The following PTPRD variants were observed in gnomAD, a reference collection of about 807,000 sequenced individuals.
PTPRD encodes receptor-type tyrosine-protein phosphatase delta.
A neutral mutation model predicts 214.5 loss-of-function variants in PTPRD; 34 were observed. The ratio of observed to expected loss-of-function variants is 0.16; its 90% CI spans 0.12 to 0.21. PTPRD has a LOEUF of 0.21. PTPRD is among the 10% of genes least tolerant of loss of function. PTPRD has a pLI of 1.00. For missense variants in PTPRD, 2,545 were observed against 2,398.7 expected, an observed-to-expected ratio of 1.06 and a Z score of -1.27; for synonymous variants, 1,128 against 845.7, an observed-to-expected ratio of 1.33 and a Z score of -5.79.
At chr9:10,533,080 T>G (rs919701056) in intron 2 of PTPRD, among the ~76,000 whole-genome samples, 5 of 152,078 alleles carry the variant, frequency 3.3e-5, no homozygotes, top group Non-Finnish European at 7.4e-5. Context: ...TACGGGGTTA[T>G]TAAAAACAGT....
chr9:9,020,877 T>A (rs1293585776), intron 10 of PTPRD, among the ~76,000 whole-genome samples: 1 of 152,124 alleles, frequency 6.6e-6, no homozygotes, highest in East Asian at 1.9e-4. Context: ...TACTCGGATG[T>A]ATATATCCTC....
intron 11 of PTPRD, among the ~76,000 whole-genome samples, chr9:8,865,204 G>C (rs755511545): frequency 1.1e-3 from 173 of 152,144 alleles, no homozygotes; most frequent in Non-Finnish European, 1.9e-3. Context: ...TTTTCAGAAA[G>C]AACAAATTTT....
chr9:9,217,297 T>C (rs908076304), intron 9 of PTPRD, among the ~76,000 whole-genome samples: 2 of 152,138 alleles, frequency 1.3e-5, no homozygotes, highest in East Asian at 1.9e-4. Context: ...TGAGTATTTG[T>C]AGGGTACTTA....
chr9:9,464,479 T>C (rs561114036), intron 8 of PTPRD, among the ~76,000 whole-genome samples: 9 of 152,346 alleles, frequency 5.9e-5, no homozygotes, highest in Non-Finnish European at 1.2e-4. Context: ...TTTCATCTCC[T>C]GTGACTATAT....
At chr9:9,227,781 G>A (rs1165977206) in intron 9 of PTPRD, among the ~76,000 whole-genome samples, 2 of 152,046 alleles carry the variant, frequency 1.3e-5, no homozygotes, top group Non-Finnish European at 2.9e-5. Context: ...ATAGCCATGT[G>A]AATGAGCCAT....
At chr9:10,083,071 T>C (rs1010626552) in intron 3 of PTPRD, among the ~76,000 whole-genome samples, 2 of 151,718 alleles carry the variant, frequency 1.3e-5, no homozygotes, top group African/African-American at 2.4e-5. Flanking sequence ...ATATCTATAA[T>C]GCATTTTTCC....
At chr9:9,526,302 C>A (rs548476651) in intron 8 of PTPRD, among the ~76,000 whole-genome samples, 64 of 152,122 alleles carry the variant, frequency 4.2e-4, no homozygotes, top group Non-Finnish European at 6.6e-4. Context: ...TTTACATACA[C>A]GTACTTGGGT....
intron 2 of PTPRD, among the ~76,000 whole-genome samples, chr9:10,421,620 C>T (rs1005878213): frequency 6.6e-6 from 1 of 151,830 alleles, no homozygotes; most frequent in Non-Finnish European, 1.5e-5. Context: ...TTCTACAAAG[C>T]ATTGCATACC....
At chr9:8,552,175 A>T (rs972552750) in intron 14 of PTPRD, among the ~76,000 whole-genome samples, 1 of 152,150 alleles carries the variant, frequency 6.6e-6, no homozygotes. Flanking sequence ...CCTATTACCA[A>T]TAACCACAAC....
At chr9:8,963,864 T>C (rs2099171721) in intron 11 of PTPRD, among the ~76,000 whole-genome samples, 1 of 152,148 alleles carries the variant, frequency 6.6e-6, no homozygotes, top group Non-Finnish European at 1.5e-5. Flanking sequence ...TCCTCCTGCC[T>C]CGGTCTTCCA....
At chr9:9,971,846 G>C (rs2095119395) in intron 4 of PTPRD, among the ~76,000 whole-genome samples, 1 of 151,888 alleles carries the variant, frequency 6.6e-6, no homozygotes, top group Non-Finnish European at 1.5e-5. Flanking sequence ...AATGCTCTCG[G>C]GGCATATTTG....
chr9:9,645,479 AT>A (rs1554767214), intron 7 of PTPRD, among the ~76,000 whole-genome samples: 3 of 141,870 alleles, frequency 2.1e-5, no homozygotes, highest in Non-Finnish European at 3.1e-5. Context: ...ATATATATAT[AT>A]TTTCTATTTG....
At chr9:9,098,784 T>G (rs1205624466) in intron 10 of PTPRD, among the ~76,000 whole-genome samples, 1 of 152,334 alleles carries the variant, frequency 6.6e-6, no homozygotes, top group Non-Finnish European at 1.5e-5. Flanking sequence ...AAATTCATCA[T>G]TTGTATGTAA....
rs143887636 is a variant in PTPRD at position 10,574,813 on chromosome 9, C to CATATATAT, written c.-600+37577_-600+37584dup. Among the ~76,000 whole-genome samples, 388 of 136,382 alleles carry CATATATAT rather than the reference C, an allele frequency of 2.8e-3. 2 individuals are homozygous for CATATATAT. Among genetic ancestry groups the CATATATAT allele is most frequent in the East Asian group, 0.02 (90 of 4,570 alleles). 89.5% of individuals were successfully genotyped at this position (136,382 alleles called of 152,430 possible). On this transcript the variant is annotated intron_variant, in intron 2 of 45. Transcript: ENST00000381196. The stretch of plus-strand genomic sequence containing the variant: ...CACACATCAAATAGATATGTGTGTG[C>CATATATAT]ATATATATATATATATATATCTTAG...
chr9:8,347,155 T>A (rs1204164581), intron 39 of PTPRD, among the ~76,000 whole-genome samples: 1 of 152,080 alleles, frequency 6.6e-6, no homozygotes, highest in Non-Finnish European at 1.5e-5. Flanking sequence ...GTTTGTAGCT[T>A]GAAATCATCC....
At chr9:8,927,747 G>T (rs1330810126) in intron 11 of PTPRD, among the ~76,000 whole-genome samples, 2 of 152,076 alleles carry the variant, frequency 1.3e-5, no homozygotes, top group African/African-American at 2.4e-5. Context: ...TGGGTCAAAT[G>T]GTATTTCTGT....
chr9:10,352,131 C>T (rs529368583), intron 2 of PTPRD, among the ~76,000 whole-genome samples: 1 of 151,930 alleles, frequency 6.6e-6, no homozygotes, highest in Non-Finnish European at 1.5e-5. Context: ...TCTCATTAAC[C>T]TTTGGCAGGC....
chr9:8,810,199 C>T (rs2096773452), intron 11 of PTPRD, among the ~76,000 whole-genome samples: 1 of 152,152 alleles, frequency 6.6e-6, no homozygotes, highest in Admixed American at 6.6e-5. Flanking sequence ...TGAATGACTA[C>T]ATCTTTTGCC....
intron 5 of PTPRD, among the ~76,000 whole-genome samples, chr9:9,838,645 A>G (rs897019577): frequency 6.6e-6 from 1 of 151,976 alleles, no homozygotes; most frequent in African/African-American, 2.4e-5. Context: ...GTTTGAGTTC[A>G]TTGTAGATTC....
Sources: allele counts gnomAD v4.1 joint callset (sites outside exome capture counted in the v4.1 genomes callset), GRCh38; gene constraint gnomAD v4.1.1; transcripts MANE v1.5; gene names NCBI Gene and HGNC (gene_info 2026-07-23, HGNC 2026-07-21).